The following AZIN1 variants were observed in gnomAD, a reference collection of about 807,000 sequenced individuals.
AZIN1 encodes the protein antizyme inhibitor 1.
A neutral mutation model predicts 47.4 loss-of-function variants in AZIN1; 12 were observed. The observed-to-expected ratio is 0.25, with a 90% CI of 0.16 to 0.41. The LOEUF is 0.41. Ranked by LOEUF, AZIN1 falls within the 10% of genes least tolerant of loss-of-function variation. The pLI is 1.00. For missense variants in AZIN1, 410 were observed against 532.4 expected, an observed-to-expected ratio of 0.77 and a Z score of 2.26; for synonymous variants, 155 against 176.3, an observed-to-expected ratio of 0.88 and a Z score of 0.96.
chr8:102,833,282 GATTGATATTAACAA>G (rs976667054), intron 8 of AZIN1, 64 bp from the exon 9 acceptor site: 334 of 1,469,450 alleles, frequency 2.3e-4, no homozygotes, highest in Middle Eastern at 3.6e-4. Context: ...AATATTCAGA[GATTGATATTAACAA>G]AATTTTCTAG....
At chr8:102,853,409 G>A (rs1563547685) in intron 2 of AZIN1, among the ~76,000 whole-genome samples, 2 of 152,206 alleles carry the variant, frequency 1.3e-5, no homozygotes, top group South Asian at 2.1e-4. Flanking sequence ...CGCTGAGGCA[G>A]GAGAATTGAT....
intron 11 of AZIN1, among the ~76,000 whole-genome samples, 170 bp downstream of exon 11, chr8:102,829,102 G>A (rs79882292): frequency 6.4e-4 from 97 of 152,242 alleles, no homozygotes; most frequent in African/African-American, 2.3e-3. Flanking sequence ...TCATACAATC[G>A]CCTAATGTTG....
At chr8:102,832,987 A>T (rs949069472) in intron 9 of AZIN1, 69 bp downstream of exon 9, 2 of 1,370,634 alleles carry the variant, frequency 1.5e-6, no homozygotes, top group Non-Finnish European at 2.0e-6. Context: ...CTTCATGACC[A>T]TCTGCTCATT....
intron 1 of AZIN1, among the ~76,000 whole-genome samples, chr8:102,863,514 C>G (rs1026333045): frequency 6.6e-6 from 1 of 151,474 alleles, no homozygotes; most frequent in African/African-American, 2.4e-5. Flanking sequence ...CGGCGAGACC[C>G]CCGCGCGCTC....
In AZIN1 at chr8:102,838,842, CACTT is replaced by C. The variant is rs1811990621; in HGVS notation, c.347_350del (p.Gln116ArgfsTer4). On this transcript the variant is annotated frameshift_variant, in exon 5 of 12. Coordinates refer to ENST00000337198, the MANE Select transcript of AZIN1 (RefSeq NM_148174.4). LOFTEE classifies it high-confidence loss of function. ...CTTTTGCTGCATACTTTATCTGAGA[CACTT>C]GCTTGCAAGGACTTATGTAAATAAT... The C allele has an allele frequency of 2.5e-6, 4 of 1,613,886 alleles. No homozygotes were observed. The highest frequency in any genetic ancestry group is 2.2e-5 in the East Asian group (1 of 44,888).
chr8:102,834,600 C>A, intron 7 of AZIN1, 66 bp downstream of exon 7: 2 of 1,111,474 alleles, frequency 1.8e-6, no homozygotes, highest in Non-Finnish European at 2.6e-6. Flanking sequence ...GCAGAAAATA[C>A]TTAGTCTTTA....
At chr8:102,859,480 G>C (rs1400072315) in intron 1 of AZIN1, among the ~76,000 whole-genome samples, 1 of 152,204 alleles carries the variant, frequency 6.6e-6, no homozygotes. Context: ...ATTCCAGAAT[G>C]TTCCTCAGTG....
chr8:102,851,892 T>G (rs182535826), intron 2 of AZIN1, among the ~76,000 whole-genome samples: 1 of 152,202 alleles, frequency 6.6e-6, no homozygotes, highest in African/African-American at 2.4e-5. Context: ...TTCCACTGGC[T>G]GGCAGTTTAA....
intron 1 of AZIN1, among the ~76,000 whole-genome samples, chr8:102,863,242 G>A (rs1019818367): frequency 6.6e-6 from 1 of 151,872 alleles, no homozygotes; most frequent in Non-Finnish European, 1.5e-5. Flanking sequence ...CCAGGAATCC[G>A]ACTTCCTCCG....
chr8:102,839,574 G>T, intron 4 of AZIN1, 76 bp downstream of exon 4: 1 of 1,069,490 alleles, frequency 9.4e-7, no homozygotes, highest in Non-Finnish European at 1.3e-6. Context: ...CCTTGCATTT[G>T]TTCTCTAACC....
At chr8:102,863,156 C>T (rs539723271) in intron 1 of AZIN1, among the ~76,000 whole-genome samples, 3 of 152,332 alleles carry the variant, frequency 2.0e-5, no homozygotes, top group Admixed American at 2.0e-4. Context: ...TACCTGACAC[C>T]GGGGCTTCCC....
intron 2 of AZIN1, among the ~76,000 whole-genome samples, chr8:102,847,473 A>G (rs1291896782): frequency 1.3e-5 from 2 of 152,172 alleles, no homozygotes; most frequent in African/African-American, 4.8e-5. Context: ...ACAAATGGAC[A>G]AAAGACTTCA....
rs748758395 is a variant in AZIN1 at position 102,843,555 on chromosome 8, G to A, written c.98C>T (p.Thr33Ile). ...TATTTGAGAAATGGCACTTACCAGG[G>A]TATGTTCATAAACATAGTTATCAAT... ...NVIDNYVYEH[T>I]LTGKNAFFVG... Residue 33 changes from threonine to isoleucine, a missense_variant, in exon 3 of 12, where the codon ACC becomes ATC. This residue lies in a region of AZIN1 where 237 missense variants were observed against 309.4 expected (regional missense o/e 0.77). Coordinates refer to ENST00000337198, the MANE Select transcript of AZIN1 (RefSeq NM_148174.4). 4 of 1,609,658 alleles carry A rather than the reference G, an allele frequency of 2.5e-6. No homozygotes were observed. The highest frequency in any genetic ancestry group is 3.4e-6 in the Non-Finnish European group (4 of 1,176,030).
chr8:102,852,583 G>GT (rs1812980616), intron 2 of AZIN1, among the ~76,000 whole-genome samples: 1 of 151,808 alleles, frequency 6.6e-6, no homozygotes, highest in South Asian at 2.1e-4. Flanking sequence ...AAAAATAATA[G>GT]TAAAAAAAAA....
chr8:102,827,965 G>C lies in AZIN1; in HGVS notation c.*602C>G, dbSNP rs1490907146. The C allele has an allele frequency of 6.6e-6, 1 of 152,476 alleles. No individual in the cohort carries two copies. Among genetic ancestry groups the C allele is most frequent in the Non-Finnish European group, 1.5e-5 (1 of 67,998 alleles). The allele number at this position is 152,476 out of a possible 1,614,324, so 9.4% of individuals were successfully genotyped here. A position where few individuals can be genotyped will look rare whatever the true frequency, so the allele number is the denominator to read the frequency against. On this transcript the variant is annotated 3_prime_UTR_variant, in exon 12 of 12. Coordinates refer to ENST00000337198, the MANE Select transcript of AZIN1 (RefSeq NM_148174.4). ...ATCTATTTCAAAACTACCTTTGCTA[G>C]CTAGCCCCTTTCCCAAAGTTTTAGC...
At chr8:102,863,657 A>C (rs1813910453) in intron 1 of AZIN1, 150 bp downstream of exon 1, 1 of 149,874 alleles carries the variant, frequency 6.7e-6, no homozygotes, top group Non-Finnish European at 1.5e-5. Context: ...GGGGGCACAG[A>C]CAGCCGCCGC....
rs148721867 is a variant in AZIN1, at chr8:102,836,345, C to G, written c.495G>C (p.Glu165Asp). The change falls in exon 6 of 12, where the codon GAG becomes GAC. Residue 165 changes from glutamate to aspartate, a missense_variant. Glu to Asp is a conservative substitution (Grantham distance 45). Around this residue, in one of 3 missense-constraint regions of AZIN1, gnomAD observed 237 missense variants for 309.4 expected, o/e 0.77. Transcript: ENST00000337198. ...GGGTAGTGCCAAACTTCATGTTACC[C>G]TCTTCACCTCCAATATTATCTTCTG... ...IATEDNIGGE[E>D]GNMKFGTTLK... 1 of 1,613,662 alleles carries G rather than the reference C, an allele frequency of 6.2e-7. No individual in the cohort carries two copies. Among genetic ancestry groups the G allele is most frequent in the African/African-American group, 1.3e-5 (1 of 74,914 alleles).
intron 6 of AZIN1, chr8:102,835,000 A>G: frequency 2.4e-6 from 1 of 413,550 alleles, no homozygotes; most frequent in Non-Finnish European, 4.3e-6. Flanking sequence ...AATTATCAGT[A>G]CTGTTCCACG....
chr8:102,834,663 T>TAC lies in AZIN1; in HGVS notation c.666+1_666+2dup, dbSNP rs766837545. 1 of 1,591,538 alleles carries TAC rather than the reference T, an allele frequency of 6.3e-7. No homozygotes were observed. Among genetic ancestry groups the TAC allele is most frequent in the Non-Finnish European group, 8.6e-7 (1 of 1,165,282 alleles). On this transcript the variant is annotated splice_region_variant and intron_variant, in intron 7 of 11. Transcript: ENST00000337198. Reference sequence around the variant, plus strand: ...TCAAAATAACTTAAAAGAAAGAACTTACAGCCATGTCAAACACACATCGAG... The same window carrying TAC: ...TCAAAATAACTTAAAAGAAAGAACTTACACAGCCATGTCAAACACACATCGAG...
Sources: gnomAD v4.1 joint callset for allele counts (sites outside exome capture counted in the v4.1 genomes callset) on GRCh38, gnomAD v4.1.1 for gene constraint, gnomAD v4.1.1 regional missense constraint, MANE v1.5 for transcripts, NCBI Gene and HGNC (gene_info 2026-07-23, HGNC 2026-07-21) for gene names.